The following TMLHE variants were observed in gnomAD, a reference collection of about 807,000 sequenced individuals.
TMLHE encodes trimethyllysine dioxygenase, mitochondrial.
In TMLHE, 18 loss-of-function variants were observed where a neutral mutation model predicts 25.7. The ratio of observed to expected loss-of-function variants is 0.70; its 90% CI spans 0.48 to 1.04. TMLHE has a LOEUF of 1.04. Among genes scored for constraint, TMLHE ranks in the 50% least tolerant of loss-of-function variants. The pLI, the probability that TMLHE is intolerant of heterozygous loss-of-function variation, is 0.00. For synonymous variants in TMLHE, 105 were observed against 97.0 expected, an observed-to-expected ratio of 1.08 and a Z score of -0.49; for missense variants, 236 against 259.0, an observed-to-expected ratio of 0.91 and a Z score of 0.61.
chrX:155,500,283 G>GA, intron 6 of TMLHE, among the ~76,000 whole-genome samples: 1 of 109,681 alleles, frequency 9.1e-6, no homozygotes, highest in South Asian at 3.9e-4. Flanking sequence ...AAATTTACAA[G>GA]AAAAAAACGA....
At chrX:155,582,353 C>T (rs1263713489) in intron 1 of TMLHE, among the ~76,000 whole-genome samples, 1 of 112,018 alleles carries the variant, frequency 8.9e-6, no homozygotes, top group African/African-American at 3.2e-5. Flanking sequence ...AGCTTCTGCA[C>T]AGCAAAAGAA....
intron 3 of TMLHE, among the ~76,000 whole-genome samples, chrX:155,518,554 T>G (rs1282773801): frequency 1.1e-4 from 11 of 99,991 alleles, no homozygotes; most frequent in Non-Finnish European, 2.3e-4. Flanking sequence ...TAGGGAGGAC[T>G]CCCTCTTTTT....
At chrX:155,516,010 C>CTTTTTTTT (rs782343831) in intron 3 of TMLHE, among the ~76,000 whole-genome samples, 881 of 66,285 alleles carry the variant, frequency 0.013, 7 homozygotes, top group Non-Finnish European at 0.02. Flanking sequence ...TTGTACTTTT[C>CTTTTTTTT]TTCTTTTTTT....
chrX:155,547,530 G>C (rs1220943313), intron 1 of TMLHE, among the ~76,000 whole-genome samples: 1 of 111,163 alleles, frequency 9.0e-6, no homozygotes, highest in Non-Finnish European at 1.9e-5. Flanking sequence ...AAACTAGCAG[G>C]GAAGAAAGAC....
intron 1 of TMLHE, among the ~76,000 whole-genome samples, chrX:155,554,849 A>G (rs1417499323): frequency 9.1e-6 from 1 of 109,325 alleles, no homozygotes; most frequent in African/African-American, 3.4e-5. Flanking sequence ...TAATGCAGCA[A>G]TCCTTTGAAA....
chrX:155,596,619 C>T (rs1476887681), intron 1 of TMLHE, among the ~76,000 whole-genome samples: 2 of 112,111 alleles, frequency 1.8e-5, no homozygotes, highest in Non-Finnish European at 3.8e-5. Flanking sequence ...GCTATTTTGA[C>T]ATGACTTATT....
chrX:155,547,709 CTGAT>C (rs2067361181), intron 1 of TMLHE, among the ~76,000 whole-genome samples: 2 of 103,085 alleles, frequency 1.9e-5, no homozygotes, highest in African/African-American at 7.0e-5. Flanking sequence ...AAAAATAAAA[CTGAT>C]TGTAAAAAAA....
At chrX:155,573,985 A>C (rs1472841635) in intron 1 of TMLHE, among the ~76,000 whole-genome samples, 1 of 105,029 alleles carries the variant, frequency 9.5e-6, no homozygotes, top group Non-Finnish European at 1.9e-5. Flanking sequence ...AAGTATAATA[A>C]TAATAAAATA....
chrX:155,513,361 C>A (rs1557334075), intron 4 of TMLHE, among the ~76,000 whole-genome samples: 1 of 111,552 alleles, frequency 9.0e-6, no homozygotes, highest in African/African-American at 3.3e-5. Flanking sequence ...TAGTAGAGCA[C>A]TCCTGGGCAA....
chrX:155,604,694 C>T (rs1256562992), intron 1 of TMLHE, among the ~76,000 whole-genome samples: 1 of 111,390 alleles, frequency 9.0e-6, no homozygotes, highest in Non-Finnish European at 1.9e-5. Context: ...AGCATGGCCG[C>T]AAACACAAGG....
At chrX:155,548,506 C>T (rs782818373) in intron 1 of TMLHE, among the ~76,000 whole-genome samples, 84 of 108,101 alleles carry the variant, frequency 7.8e-4, no homozygotes, top group South Asian at 1.9e-3. Flanking sequence ...GAGGTCAAGG[C>T]GGGCGGATCA....
rs373661174 is a variant in TMLHE, at chrX:155,550,286, G to A, written c.-1-5009C>T. ...GAAAATTTACCCATGATGCATAGTC[G>A]CAATCCTAATTTAACTTGTCCTAAT... is the stretch of plus-strand genomic sequence containing the variant. On this transcript the variant is annotated intron_variant, in intron 1 of 7. Coordinates refer to ENST00000334398, the MANE Select transcript of TMLHE (RefSeq NM_018196.4). Among the ~76,000 whole-genome samples the A allele has an allele frequency of 8.2e-5, 9 of 110,145 alleles. 1 individual carries two copies. The highest frequency in any genetic ancestry group is 1.5e-4 in the Non-Finnish European group (8 of 52,894).
At chrX:155,491,950 A>G (rs1164474370) in intron 7 of TMLHE, among the ~76,000 whole-genome samples, 1 of 18,828 alleles carries the variant, frequency 5.3e-5, no homozygotes, top group Non-Finnish European at 1.2e-4. Flanking sequence ...TCTCTTATCA[A>G]AGTAAATCAG....
At chrX:155,513,934 T>G in intron 4 of TMLHE, 52 bp downstream of exon 4, 1 of 1,127,717 alleles carries the variant, frequency 8.9e-7, no homozygotes, top group East Asian at 3.0e-5. Flanking sequence ...TTGGTGTTCA[T>G]GCTCTGGAAA....
At chrX:155,547,256 T>C (rs1186929605) in intron 1 of TMLHE, among the ~76,000 whole-genome samples, 3 of 90,849 alleles carry the variant, frequency 3.3e-5, no homozygotes, top group Non-Finnish European at 4.6e-5. Context: ...GCCATTCTCC[T>C]GCCTCAGCCT....
At chrX:155,545,543 T>C (rs2067339096) in intron 1 of TMLHE, among the ~76,000 whole-genome samples, 1 of 112,096 alleles carries the variant, frequency 8.9e-6, no homozygotes, top group Admixed American at 9.5e-5. Flanking sequence ...AAAAATTCAC[T>C]AATCTTAACC....
At chrX:155,513,353 G>C (rs893980318) in intron 4 of TMLHE, among the ~76,000 whole-genome samples, 2 of 111,677 alleles carry the variant, frequency 1.8e-5, no homozygotes, top group Non-Finnish European at 3.8e-5. Context: ...TTGTTTACTA[G>C]TAGAGCACTC....
At position 155,605,965 on chromosome X, in the gene TMLHE, A is replaced by G. The variant is rs959344805; in HGVS notation, c.-2+6827T>C. On this transcript the variant is annotated intron_variant, in intron 1 of 7. Transcript: ENST00000334398. ...GCAGGGATTACTATTTTAATTTCAG[A>G]CAAAATAGACATTAAACCAACAATG... Among the ~76,000 whole-genome samples the G allele has an allele frequency of 2.7e-5, 3 of 111,825 alleles. No individual in the cohort carries two copies. In the East Asian group the frequency reaches 8.4e-4, roughly 31 times the overall value.
intron 5 of TMLHE, 83 bp from the exon 6 acceptor site, chrX:155,507,217 T>G (rs2067081710): frequency 1.6e-6 from 1 of 619,153 alleles, no homozygotes; most frequent in Non-Finnish European, 2.5e-6. Flanking sequence ...AAATGATTAC[T>G]GAAACTACTT....
Sources: allele counts gnomAD v4.1 joint callset (sites outside exome capture counted in the v4.1 genomes callset), GRCh38; gene constraint gnomAD v4.1.1; transcripts MANE v1.5; gene names NCBI Gene and HGNC (gene_info 2026-07-23, HGNC 2026-07-21).